STX8: variants seen among roughly 807,000 people sequenced by gnomAD.
STX8 encodes the protein syntaxin-8.
A neutral mutation model predicts 37.5 loss-of-function variants in STX8; 23 were observed. The ratio of observed to expected loss-of-function variants is 0.61; its 90% CI spans 0.44 to 0.87. The LOEUF (loss-of-function observed/expected upper bound fraction) is 0.87. STX8 is among the 40% of genes least tolerant of loss of function. The pLI is 0.00. For missense variants in STX8, 313 were observed against 284.7 expected (o/e 1.10, Z -0.71); for synonymous variants, 115 against 99.1 (o/e 1.16, Z -0.95).
intron 7 of STX8, among the ~76,000 whole-genome samples, chr17:9,274,711 T>A (rs1020644242): frequency 8.1e-6 from 1 of 123,500 alleles, no homozygotes; most frequent in African/African-American, 2.8e-5. Context: ...ATAATAATAA[T>A]AATAAACAAA....
At chr17:9,288,436 T>C (rs966410817) in intron 7 of STX8, among the ~76,000 whole-genome samples, 10 of 151,224 alleles carry the variant, frequency 6.6e-5, no homozygotes, top group South Asian at 2.1e-4. Context: ...CCGAGACGGG[T>C]GGATCACGAG....
intron 7 of STX8, among the ~76,000 whole-genome samples, chr17:9,304,738 C>T (rs1214421332): frequency 6.6e-6 from 1 of 151,814 alleles, no homozygotes; most frequent in African/African-American, 2.4e-5. Context: ...GACTGTGAGG[C>T]GATAGTCTTA....
intron 7 of STX8, among the ~76,000 whole-genome samples, chr17:9,324,122 TCTCTCACA>T (rs889813129): frequency 2.3e-5 from 3 of 132,802 alleles, no homozygotes; most frequent in African/African-American, 5.8e-5. Context: ...TCTCTCTCTC[TCTCTCACA>T]CACACACACA....
chr17:9,493,993 GTTTTT>G (rs67562241), intron 5 of STX8, among the ~76,000 whole-genome samples: 30 of 150,704 alleles, frequency 2.0e-4, no homozygotes, highest in African/African-American at 3.9e-4. Flanking sequence ...CATATGTTTT[GTTTTT>G]TTTTGTTTTG....
Position 9,258,004 on chromosome 17 carries a change from C to T in STX8, c.644-7359G>A, listed in dbSNP as rs561170105. Among the ~76,000 whole-genome samples the T allele has an allele frequency of 2.6e-5, 4 of 152,162 alleles. No homozygotes were observed. The East Asian group carries it at 5.8e-4, about 22-fold the overall frequency. ...ATTTTGTTTAAAACAAAAACAAAAA[C>T]AAAAAAAGCATATTCTTTTTGTTTG... On this transcript the variant is annotated intron_variant, in intron 7 of 7. Transcript: ENST00000306357.
intron 6 of STX8, among the ~76,000 whole-genome samples, chr17:9,456,162 G>C (rs1870320): frequency 0.034 from 5,200 of 152,146 alleles, 128 homozygotes; most frequent in East Asian, 0.065. Flanking sequence ...GTCATGATAA[G>C]AGAATTCCTA....
At chr17:9,334,489 G>A (rs1181624944) in intron 7 of STX8, among the ~76,000 whole-genome samples, 3 of 152,162 alleles carry the variant, frequency 2.0e-5, no homozygotes, top group Admixed American at 1.3e-4. Flanking sequence ...TTGGAGGTTA[G>A]AGGCAAGATG....
chr17:9,328,842 G>C (rs912586331), intron 7 of STX8, among the ~76,000 whole-genome samples: 1 of 152,004 alleles, frequency 6.6e-6, no homozygotes, highest in African/African-American at 2.4e-5. Flanking sequence ...CTGAGGACAG[G>C]AGTTCAAGAC....
intron 7 of STX8, among the ~76,000 whole-genome samples, chr17:9,310,496 G>A (rs1815375352): frequency 6.6e-6 from 1 of 152,112 alleles, no homozygotes; most frequent in Admixed American, 6.6e-5. Context: ...TCTGCTTTGT[G>A]AGGTACAATG....
intron 7 of STX8, among the ~76,000 whole-genome samples, chr17:9,306,595 CAAAA>C (rs71135963): frequency 1.1e-4 from 8 of 69,896 alleles, no homozygotes; most frequent in African/African-American, 2.7e-4. Flanking sequence ...ACTAAAAATA[CAAAA>C]AAAAAAAAAA....
intron 6 of STX8, among the ~76,000 whole-genome samples, chr17:9,469,433 A>C: frequency 6.6e-6 from 1 of 152,102 alleles, no homozygotes; most frequent in Non-Finnish European, 1.5e-5. Context: ...TTCCATAGAA[A>C]ACTGAGGCCT....
At chr17:9,574,617 C>A (rs113154452) in intron 1 of STX8, among the ~76,000 whole-genome samples, 2,253 of 152,108 alleles carry the variant, frequency 0.015, 61 homozygotes, top group African/African-American at 0.051. Flanking sequence ...TCACCACAAC[C>A]TACACCTCCC....
At chr17:9,544,501 A>AT (rs1443208412) in intron 4 of STX8, among the ~76,000 whole-genome samples, 2 of 152,090 alleles carry the variant, frequency 1.3e-5, no homozygotes, top group African/African-American at 4.8e-5. Context: ...CAATATGCCA[A>AT]TTAAAAAAAA....
intron 6 of STX8, among the ~76,000 whole-genome samples, chr17:9,486,155 G>C (rs1043998042): frequency 6.6e-6 from 1 of 152,166 alleles, no homozygotes; most frequent in Non-Finnish European, 1.5e-5. Context: ...CAACACTCCA[G>C]TGGCAATGGG....
At chr17:9,489,452 C>A (rs963540634) in intron 6 of STX8, among the ~76,000 whole-genome samples, 1 of 152,058 alleles carries the variant, frequency 6.6e-6, no homozygotes. Flanking sequence ...GACAAAGAAA[C>A]GGTGCTTTCA....
At chr17:9,477,771 T>C (rs1307315341) in intron 6 of STX8, among the ~76,000 whole-genome samples, 1 of 152,190 alleles carries the variant, frequency 6.6e-6, no homozygotes, top group Non-Finnish European at 1.5e-5. Flanking sequence ...TAGACTTTGT[T>C]AGAAAAATGT....
intron 7 of STX8, among the ~76,000 whole-genome samples, chr17:9,345,830 C>T (rs1410436052): frequency 8.2e-6 from 1 of 121,906 alleles, no homozygotes; most frequent in Non-Finnish European, 1.7e-5. Flanking sequence ...TTGCATTATA[C>T]CTCCGGGTTA....
At chr17:9,445,434 G>A (rs1436802962) in intron 6 of STX8, among the ~76,000 whole-genome samples, 2 of 143,826 alleles carry the variant, frequency 1.4e-5, no homozygotes, top group Admixed American at 7.3e-5. Flanking sequence ...CAGGGTCTCA[G>A]AAAGAAGAAT....
At chr17:9,368,492 C>T (rs1027459433) in intron 7 of STX8, among the ~76,000 whole-genome samples, 4 of 152,060 alleles carry the variant, frequency 2.6e-5, no homozygotes, top group African/African-American at 4.8e-5. Flanking sequence ...GACTCCATCT[C>T]AAAAACAAAC....
Sources: gnomAD v4.1 joint callset for allele counts (sites outside exome capture counted in the v4.1 genomes callset) on GRCh38, gnomAD v4.1.1 for gene constraint, MANE v1.5 for transcripts, NCBI Gene and HGNC (gene_info 2026-07-23, HGNC 2026-07-21) for gene names.